Variants in TRIM24 observed in about 807,000 individuals in gnomAD.
The protein encoded by TRIM24 is transcription intermediary factor 1-alpha.
In TRIM24, 29 loss-of-function variants were observed where a neutral mutation model predicts 123.9. That is an observed-to-expected ratio of 0.23 (90% confidence interval 0.17 to 0.32). TRIM24 has a LOEUF of 0.32. Ranked by LOEUF, TRIM24 falls within the 10% of genes least tolerant of loss-of-function variation. The pLI is 1.00. For synonymous variants in TRIM24, 456 were observed against 461.1 expected (o/e 0.99, Z 0.14); for missense variants, 932 against 1,295.3 (o/e 0.72, Z 4.31).
intron 2 of TRIM24, among the ~76,000 whole-genome samples, chr7:138,506,641 G>A (rs3847123): frequency 0.022 from 3,292 of 152,256 alleles, 97 homozygotes; most frequent in African/African-American, 0.071. Flanking sequence ...TTATACCTCC[G>A]TATGATCAAT....
chr7:138,552,193 G>C (rs1584734716), intron 8 of TRIM24, among the ~76,000 whole-genome samples: 2 of 152,144 alleles, frequency 1.3e-5, no homozygotes, highest in East Asian at 3.8e-4. Flanking sequence ...ACCTAGGTGT[G>C]TAGTAGGCTA....
chr7:138,544,016 G>C (rs1797053935), intron 7 of TRIM24, among the ~76,000 whole-genome samples: 1 of 151,806 alleles, frequency 6.6e-6, no homozygotes, highest in South Asian at 2.1e-4. Context: ...TTTTTGTAGA[G>C]ACAAGGTCTT....
At chr7:138,576,085 A>G (rs1316544666) in intron 12 of TRIM24, among the ~76,000 whole-genome samples, 1 of 152,164 alleles carries the variant, frequency 6.6e-6, no homozygotes, top group African/African-American at 2.4e-5. Flanking sequence ...TGCCACTGGT[A>G]TCTAATAATT....
At position 138,589,870 on chromosome 7, in the gene TRIM24, A is replaced by C. The variant is rs1284912263; in HGVS notation, c.*4919A>C. On this transcript the variant is annotated 3_prime_UTR_variant, in exon 19 of 19. Coordinates refer to ENST00000343526, the MANE Select transcript of TRIM24 (RefSeq NM_015905.3). Reference sequence around the variant, plus strand: ...AAATTTACTATTGGATATTTAACAGATCTTTCATGGGGCCAACCTATTTGC... The same window carrying C: ...AAATTTACTATTGGATATTTAACAGCTCTTTCATGGGGCCAACCTATTTGC... 2 of 152,242 alleles carry C rather than the reference A, an allele frequency of 1.3e-5. No homozygotes were observed. Among genetic ancestry groups the C allele is most frequent in the South Asian group, 4.1e-4 (2 of 4,834 alleles). 9.4% of individuals were successfully genotyped at this position (152,242 alleles called of 1,614,324 possible). A position where few individuals can be genotyped will look rare whatever the true frequency, so the allele number is the denominator to read the frequency against.
intron 1 of TRIM24, among the ~76,000 whole-genome samples, chr7:138,463,285 C>T (rs1231903754): frequency 6.6e-6 from 1 of 151,128 alleles, no homozygotes; most frequent in African/African-American, 2.4e-5. Context: ...ACCTTCCTAC[C>T]TCGCTTTGTC....
intron 1 of TRIM24, among the ~76,000 whole-genome samples, chr7:138,462,132 G>A (rs1021836494): frequency 1.3e-5 from 2 of 152,048 alleles, no homozygotes; most frequent in African/African-American, 2.4e-5. Context: ...AGCAAAAGGC[G>A]GGGATACATA....
intron 6 of TRIM24, among the ~76,000 whole-genome samples, chr7:138,531,766 A>G (rs1796751715): frequency 1.3e-5 from 2 of 152,178 alleles, no homozygotes; most frequent in Non-Finnish European, 2.9e-5. Context: ...TGGTATTTCT[A>G]GTTCTAGATC....
rs1554429651 is a variant in TRIM24 at position 138,463,989 on chromosome 7, C to CATTTTTTTTTTTTTTT, written c.364+3077_364+3078insATTTTTTTTTTTTTTT. 1.8e-4 allele frequency among the ~76,000 whole-genome samples: 9 copies of CATTTTTTTTTTTTTTT among 50,758 alleles called. 1 individual carries two copies. Among genetic ancestry groups the CATTTTTTTTTTTTTTT allele is most frequent in the African/African-American group, 7.4e-4 (9 of 12,208 alleles). 33.3% of individuals were successfully genotyped at this position (50,758 alleles called of 152,430 possible). ...ATACTAGCTGAAGCAAAAATTTAGACTTTTTTTTTTTTTTTTTTTTTTTGA... is the reference window on the plus strand; with the variant it reads ...ATACTAGCTGAAGCAAAAATTTAGACATTTTTTTTTTTTTTTTTTTTTTTTTTTTTTTTTTTTTTGA... On this transcript the variant is annotated intron_variant, in intron 1 of 18. Transcript: ENST00000343526.
intron 1 of TRIM24, among the ~76,000 whole-genome samples, chr7:138,496,407 C>G (rs527566504): frequency 6.6e-6 from 1 of 152,150 alleles, no homozygotes; most frequent in African/African-American, 2.4e-5. Context: ...TTCTTCCTTT[C>G]CAATCTGGAT....
chr7:138,528,999 T>G, intron 5 of TRIM24, 117 bp from the exon 6 acceptor site: 1 of 475,518 alleles, frequency 2.1e-6, no homozygotes. Flanking sequence ...AGTGAAGGAC[T>G]CAGAAATAGA....
intron 7 of TRIM24, chr7:138,545,441 A>G (rs1317782096): frequency 4.4e-6 from 2 of 456,910 alleles, no homozygotes; most frequent in South Asian, 1.5e-5. Flanking sequence ...GTAAGTAAAT[A>G]TATTGAAGGT....
At chr7:138,483,782 T>A (rs1247136047) in intron 1 of TRIM24, among the ~76,000 whole-genome samples, 1 of 152,200 alleles carries the variant, frequency 6.6e-6, no homozygotes, top group Non-Finnish European at 1.5e-5. Context: ...ATCATGAAAG[T>A]GGGGTGCCCC....
At chr7:138,511,109 GA>G (rs1169177002) in intron 2 of TRIM24, among the ~76,000 whole-genome samples, 1 of 152,130 alleles carries the variant, frequency 6.6e-6, no homozygotes, top group Non-Finnish European at 1.5e-5. Flanking sequence ...AATTTATAAA[GA>G]AAAGAGGTTT....
intron 6 of TRIM24, among the ~76,000 whole-genome samples, chr7:138,535,322 A>T (rs892516766): frequency 6.6e-6 from 1 of 152,144 alleles, no homozygotes; most frequent in South Asian, 2.1e-4. Flanking sequence ...AGTGGTCTTT[A>T]TGATTTGGCA....
Position 138,554,129 on chromosome 7 carries a change from A to G in TRIM24, c.1262-569A>G, listed in dbSNP as rs144637793. ...AGATATTCTTCATTGATAAAGAATG[A>G]TAATCTCCGGGTTGGCCACTCCTAG... On this transcript the variant is annotated intron_variant, in intron 8 of 18. Transcript: ENST00000343526. This position sits in a 1 kb window ranked among gnomAD's most constrained non-coding sequence, Gnocchi z 4.5. 6.5e-3 allele frequency among the ~76,000 whole-genome samples: 992 copies of G among 152,302 alleles called. 7 individuals carry two copies. The highest frequency in any genetic ancestry group is 0.014 in the Middle Eastern group (4 of 294).
intron 14 of TRIM24, 86 bp from the exon 15 acceptor site, chr7:138,579,118 C>T: frequency 9.0e-7 from 1 of 1,109,454 alleles, no homozygotes; most frequent in East Asian, 2.5e-5. Context: ...GCCAGGTGCT[C>T]ACCAGAGAGT....
intron 1 of TRIM24, among the ~76,000 whole-genome samples, chr7:138,473,563 CTG>C (rs1407659926): frequency 1.3e-5 from 2 of 152,202 alleles, no homozygotes; most frequent in African/African-American, 4.8e-5. Flanking sequence ...ACTTTGGAGT[CTG>C]TGTGAATATT....
intron 7 of TRIM24, among the ~76,000 whole-genome samples, chr7:138,548,275 G>A (rs1198376770): frequency 6.6e-6 from 1 of 152,106 alleles, no homozygotes; most frequent in Non-Finnish European, 1.5e-5. Flanking sequence ...TAACATAATG[G>A]TAAATGTTTG....
rs1281581389 is a variant in TRIM24, at chr7:138,525,097, C to T, written c.765-144C>T. On this transcript the variant is annotated intron_variant, in intron 4 of 18. Transcript: ENST00000343526. ...TAATTTGAGAGGTGAGGGAAACTTG[C>T]CTTATTAGGGATACGTTTGATGTTT... 3 of 394,654 alleles carry T rather than the reference C, an allele frequency of 7.6e-6. No individual in the cohort carries two copies. In the Admixed American group the frequency reaches 1.4e-4, roughly 18 times the overall value. The allele number at this position is 394,654 out of a possible 1,614,324, so 24.4% of individuals were successfully genotyped here. A position where few individuals can be genotyped will look rare whatever the true frequency, so the allele number is the denominator to read the frequency against.
Sources: allele counts gnomAD v4.1 joint callset (sites outside exome capture counted in the v4.1 genomes callset), GRCh38; gene constraint gnomAD v4.1.1; non-coding constraint Gnocchi (gnomAD v3.1); transcripts MANE v1.5; gene names NCBI Gene and HGNC (gene_info 2026-07-23, HGNC 2026-07-21).